BLZF1: variants seen among roughly 807,000 people sequenced by gnomAD.
BLZF1 encodes the protein golgin-45.
BLZF1 carries 39 observed loss-of-function variants against 43.8 expected under a neutral mutation model. That is an observed-to-expected ratio of 0.89 (90% CI 0.69 to 1.16). The LOEUF is 1.16. BLZF1 is among the 50% of genes most tolerant of loss of function. BLZF1 has a pLI of 0.00. For synonymous variants in BLZF1, 136 were observed against 159.4 expected (o/e 0.85, Z 1.11); for missense variants, 449 against 469.8 (o/e 0.96, Z 0.41).
chr1:169,392,988 G>A (rs1205338412), downstream of BLZF1, among the ~76,000 whole-genome samples: 7 of 152,232 alleles, frequency 4.6e-5, no homozygotes, highest in South Asian at 2.1e-4. Flanking sequence ...TTCTGTGAGC[G>A]ATTCTAGCAA....
chr1:169,373,622 A>T (rs1212497131), intron 2 of BLZF1, among the ~76,000 whole-genome samples: 1 of 152,222 alleles, frequency 6.6e-6, no homozygotes, highest in African/African-American at 2.4e-5. Context: ...TTTGATATTC[A>T]TAAATGCTTG....
At chr1:169,389,507 A>G (rs1216638591), downstream of BLZF1, among the ~76,000 whole-genome samples, 2 of 152,220 alleles carry the variant, frequency 1.3e-5, no homozygotes, top group African/African-American at 2.4e-5. Context: ...TGGAACCCCT[A>G]TGCATTGTTT....
At chr1:169,376,350 T>C (rs1262997070) in intron 2 of BLZF1, among the ~76,000 whole-genome samples, 190 bp from the exon 3 acceptor site, 2 of 152,114 alleles carry the variant, frequency 1.3e-5, no homozygotes, top group Admixed American at 1.3e-4. Flanking sequence ...AAATCTCTTG[T>C]CTACTGAAGG....
At chr1:169,393,336 C>G (rs1295094230) in intron 7 of BLZF1, among the ~76,000 whole-genome samples, 1 of 151,862 alleles carries the variant, frequency 6.6e-6, no homozygotes, top group African/African-American at 2.4e-5. Context: ...ACCTGTAATC[C>G]CAGCACTTTG....
Position 169,369,526 on chromosome 1 carries a change from A to G in BLZF1, c.4A>G (p.Thr2Ala). 1 of 1,609,834 alleles carries G rather than the reference A, an allele frequency of 6.2e-7. No homozygotes were observed. The highest frequency in any genetic ancestry group is 8.5e-7 in the Non-Finnish European group (1 of 1,177,396). ...TTTCAGTGGTTAAGGTGAAAAAATG[A>G]CTACTAAAAATTTAGAAACCAAAGG... M[T>A]TKNLETKVTV... Residue 2 changes from threonine (T) to alanine (A), a missense_variant, in exon 2 of 7, where the codon ACT becomes GCT. Transcript: ENST00000367808.
downstream of BLZF1, among the ~76,000 whole-genome samples, chr1:169,390,822 G>GA (rs1387971195): frequency 1.3e-5 from 2 of 151,938 alleles, no homozygotes; most frequent in African/African-American, 4.8e-5. Context: ...CAACTGAGAA[G>GA]AAAAAAACTT....
intron 6 of BLZF1, among the ~76,000 whole-genome samples, chr1:169,386,160 G>A (rs1654661291): frequency 6.6e-6 from 1 of 152,156 alleles, no homozygotes; most frequent in Non-Finnish European, 1.5e-5. Context: ...AGAATTAGGA[G>A]AGCATTGTGT....
At chr1:169,382,389 C>T (rs1039297285) in intron 6 of BLZF1, 108 bp downstream of exon 6, 1 of 906,756 alleles carries the variant, frequency 1.1e-6, no homozygotes, top group Non-Finnish European at 1.7e-6. Context: ...AATGTGGGAT[C>T]TAAACCACTC....
intron 6 of BLZF1, among the ~76,000 whole-genome samples, chr1:169,382,582 G>A (rs548262797): frequency 5.1e-4 from 77 of 152,250 alleles, no homozygotes; most frequent in Admixed American, 1.3e-3. Flanking sequence ...AAACCACTGT[G>A]TAGAATTTTT....
chr1:169,373,961 T>C (rs1320535295), intron 2 of BLZF1, among the ~76,000 whole-genome samples: 9 of 152,120 alleles, frequency 5.9e-5, no homozygotes, highest in Non-Finnish European at 1.2e-4. Flanking sequence ...TGATGGTTTT[T>C]ATTAATTTAT....
chr1:169,375,398 ATATATATAT>A (rs1354183179), intron 2 of BLZF1, among the ~76,000 whole-genome samples: 4 of 36,502 alleles, frequency 1.1e-4, no homozygotes, highest in Admixed American at 3.4e-4. Flanking sequence ...TAAAACATAT[ATATATATAT>A]ATATATATAT....
In BLZF1 at chr1:169,387,228, A is replaced by G; in HGVS notation, c.*46A>G. ...TGCTAAGGTACTTCCTTATTACCCAAGAGTCATTATTATTTGGGAGCTGGG... is the reference window on the plus strand; with the variant it reads ...TGCTAAGGTACTTCCTTATTACCCAGGAGTCATTATTATTTGGGAGCTGGG... On this transcript the variant is annotated 3_prime_UTR_variant, in exon 7 of 7. Coordinates refer to ENST00000367808, the MANE Select transcript of BLZF1 (RefSeq NM_001320973.2). The G allele has an allele frequency of 6.5e-7, 1 of 1,542,390 alleles. No individual in the cohort carries two copies.
chr1:169,384,032 G>A (rs1325270290), intron 6 of BLZF1, among the ~76,000 whole-genome samples: 1 of 151,862 alleles, frequency 6.6e-6, no homozygotes, highest in Non-Finnish European at 1.5e-5. Context: ...CCATCTACTT[G>A]TTCCACAGAT....
At chr1:169,390,773 C>A (rs1244397986), downstream of BLZF1, among the ~76,000 whole-genome samples, 1 of 152,120 alleles carries the variant, frequency 6.6e-6, no homozygotes, top group East Asian at 1.9e-4. Context: ...AGAGTAGCTT[C>A]TGTTGCAATA....
At chr1:169,386,369 AT>A (rs1333444021) in intron 6 of BLZF1, among the ~76,000 whole-genome samples, 1 of 152,176 alleles carries the variant, frequency 6.6e-6, no homozygotes, top group Non-Finnish European at 1.5e-5. Flanking sequence ...TAGTAAGTCC[AT>A]TTTGGTTAAG....
rs778777571 is a variant in BLZF1, at chr1:169,386,894, A to G, written c.1018-103A>G. On this transcript the variant is annotated intron_variant, in intron 6 of 6. Coordinates refer to ENST00000367808, the MANE Select transcript of BLZF1 (RefSeq NM_001320973.2). The stretch of plus-strand genomic sequence containing the variant: ...ATTCTGTTTTTTTAGTAATAGTTAT[A>G]TATTAATGAAGTGAAACTTTATAGG... 1.5e-5 allele frequency: 11 copies of G among 743,460 alleles called. No individual in the cohort carries two copies. The Middle Eastern group carries it at 2.8e-3, about 188-fold the overall frequency. 46.1% of individuals were successfully genotyped at this position (743,460 alleles called of 1,614,324 possible).
chr1:169,375,879 C>G (rs185816271), intron 2 of BLZF1, among the ~76,000 whole-genome samples: 5 of 151,684 alleles, frequency 3.3e-5, no homozygotes, highest in African/African-American at 4.8e-5. Context: ...TTGAAAGCCA[C>G]TAGAGGGAAT....
Position 169,376,603 on chromosome 1 carries a change from A to C in BLZF1, c.92A>C (p.Lys31Thr). 1.9e-6 allele frequency: 3 copies of C among 1,613,014 alleles called. No homozygotes were observed. The highest frequency in any genetic ancestry group is 2.5e-6 in the Non-Finnish European group (3 of 1,179,460). Residue 31 changes from lysine to threonine, a missense_variant, in exon 3 of 7, where the codon AAA (lysine) becomes ACA (threonine). By Grantham distance (78) the Lys-to-Thr change is moderately conservative. Coordinates refer to ENST00000367808, the MANE Select transcript of BLZF1 (RefSeq NM_001320973.2). Reference sequence around the variant, plus strand: ...GGAATGGAAACTGAGGAACCACCTAAATCTGTTGAAGTTACCTCCGGAGTC... The same window carrying C: ...GGAATGGAAACTGAGGAACCACCTACATCTGTTGAAGTTACCTCCGGAGTC... ...GDGMETEEPP[K>T]SVEVTSGVQS...
chr1:169,396,144 T>A (rs1655021547), exon 8 of BLZF1: 1 of 152,246 alleles, frequency 6.6e-6, no homozygotes. Flanking sequence ...ACTTAGACAG[T>A]ATGCATACTG....
Sources: allele counts gnomAD v4.1 joint callset (sites outside exome capture counted in the v4.1 genomes callset), GRCh38; gene constraint gnomAD v4.1.1; transcripts MANE v1.5; gene names NCBI Gene and HGNC (gene_info 2026-07-23, HGNC 2026-07-21).